Variants in NELL1 observed in about 807,000 individuals in gnomAD.
NELL1 encodes the protein neural EGFL like 1, also known as protein kinase C-binding protein NELL1.
A neutral mutation model predicts 107.4 loss-of-function variants in NELL1; 76 were observed. The ratio of observed to expected loss-of-function variants is 0.71; its 90% CI spans 0.59 to 0.86. The LOEUF (loss-of-function observed/expected upper bound fraction) is 0.86, where lower values mean the gene tolerates loss of function less well. NELL1 is among the 40% of genes least tolerant of loss of function. The probability of loss-of-function intolerance (pLI) is 0.00; values close to 1 mark genes in which losing one functional copy is unlikely to be tolerated. For missense variants in NELL1, 1,024 were observed against 1,005.5 expected, an observed-to-expected ratio of 1.02 and a Z score of -0.25; for synonymous variants, 353 against 341.2, an observed-to-expected ratio of 1.03 and a Z score of -0.38.
chr11:21,211,453 A>G (rs1043939066), intron 13 of NELL1, among the ~76,000 whole-genome samples: 2 of 152,146 alleles, frequency 1.3e-5, no homozygotes, highest in Admixed American at 6.6e-5. Context: ...GAGTAATGTT[A>G]ATAATGTTTG....
chr11:20,694,104 C>T (rs1449034816), intron 2 of NELL1, among the ~76,000 whole-genome samples: 7 of 151,870 alleles, frequency 4.6e-5, no homozygotes, highest in African/African-American at 1.5e-4. Context: ...GCATTCTTCA[C>T]ATAGTTCTCA....
chr11:20,827,248 A>G (rs1488024915), intron 3 of NELL1, among the ~76,000 whole-genome samples: 1 of 151,210 alleles, frequency 6.6e-6, no homozygotes, highest in Non-Finnish European at 1.5e-5. Flanking sequence ...AAGTAAACTT[A>G]TGTTTTTATT....
Position 20,759,126 on chromosome 11 carries a change from C to T in NELL1, c.185-24554C>T, listed in dbSNP as rs114142733. 9.5e-3 allele frequency among the ~76,000 whole-genome samples: 1,447 copies of T among 152,334 alleles called. 28 individuals carry two copies. Among genetic ancestry groups the T allele is most frequent in the African/African-American group, 0.033 (1,377 of 41,578 alleles). ...CCCAAATGTGGACCTGCCTGACAAA[C>T]TCTGTCTTCCTCTACTTTCCTCTTG... On this transcript the variant is annotated intron_variant, in intron 2 of 19. Coordinates refer to ENST00000357134, the MANE Select transcript of NELL1 (RefSeq NM_006157.5).
At chr11:20,918,677 C>T (rs564103629) in intron 6 of NELL1, among the ~76,000 whole-genome samples, 1 of 152,060 alleles carries the variant, frequency 6.6e-6, no homozygotes, top group East Asian at 1.9e-4. Context: ...TATTCACTAC[C>T]ATAAGAATAG....
intron 14 of NELL1, among the ~76,000 whole-genome samples, chr11:21,333,267 A>G (rs1850311682): frequency 6.9e-6 from 1 of 144,410 alleles, no homozygotes. Flanking sequence ...TACCATGGCC[A>G]GACTTGCAGT....
chr11:21,216,471 C>T (rs569193733), intron 13 of NELL1, among the ~76,000 whole-genome samples: 6 of 152,232 alleles, frequency 3.9e-5, no homozygotes, highest in African/African-American at 1.2e-4. Flanking sequence ...TTGCAGACAC[C>T]CAAAACCAGC....
chr11:21,309,145 G>A (rs1849670969), intron 14 of NELL1, among the ~76,000 whole-genome samples: 1 of 150,282 alleles, frequency 6.7e-6, no homozygotes. Context: ...GAAAGTTAAT[G>A]TTATTAAGGT....
intron 15 of NELL1, among the ~76,000 whole-genome samples, chr11:21,439,210 G>A (rs1003540550): frequency 1.3e-5 from 2 of 152,064 alleles, no homozygotes; most frequent in South Asian, 2.1e-4. Context: ...GAAACAGAAA[G>A]TCAGTGAATA....
At chr11:20,671,823 G>T (rs963815538) in intron 1 of NELL1, among the ~76,000 whole-genome samples, 1 of 152,182 alleles carries the variant, frequency 6.6e-6, no homozygotes, top group African/African-American at 2.4e-5. Flanking sequence ...AGGAAATGTG[G>T]AGGAGAGACA....
At chr11:21,171,462 C>T (rs780394597) in intron 13 of NELL1, among the ~76,000 whole-genome samples, 21 of 151,710 alleles carry the variant, frequency 1.4e-4, no homozygotes, top group Non-Finnish European at 2.6e-4. Context: ...TGTGATAGAC[C>T]CTTTTGTAAA....
chr11:21,391,289 C>T (rs1211666185), intron 15 of NELL1, among the ~76,000 whole-genome samples: 6 of 151,596 alleles, frequency 4.0e-5, no homozygotes, highest in Non-Finnish European at 7.4e-5. Flanking sequence ...AAACTGTGGC[C>T]GTTTTTTCAT....
intron 15 of NELL1, among the ~76,000 whole-genome samples, chr11:21,392,992 GA>G (rs1164271548): frequency 1.8e-5 from 2 of 110,350 alleles, no homozygotes; most frequent in Admixed American, 8.4e-5. Context: ...AGTTAAGTCA[GA>G]ATTTTTTTTT....
rs1287509485 is a variant in NELL1 at position 20,783,842 on chromosome 11, C to T, written c.335+12C>T. On this transcript the variant is annotated intron_variant, in intron 3 of 19. Transcript: ENST00000357134. ...GAACTGGAGCACAGGTAAGAAAGCT[C>T]TTTCTGCTTTTGAAAATCTCCTTAG... The T allele has an allele frequency of 3.7e-6, 6 of 1,600,416 alleles. No individual in the cohort carries two copies. Among genetic ancestry groups the T allele is most frequent in the South Asian group, 1.1e-5 (1 of 88,274 alleles).
chr11:21,003,779 T>A lies in NELL1; in HGVS notation c.1300+43219T>A, dbSNP rs531535002. ...GCACTAATGCTAGATTACCTTTTTT[T>A]AATTTTTTTATTTTATTATTATTAT... On this transcript the variant is annotated intron_variant, in intron 12 of 19. Transcript: ENST00000357134. Among the ~76,000 whole-genome samples the A allele has an allele frequency of 2.0e-5, 3 of 152,184 alleles. No homozygotes were observed. The East Asian group carries it at 5.8e-4, about 29-fold the overall frequency.
intron 12 of NELL1, among the ~76,000 whole-genome samples, chr11:20,967,288 G>A (rs1851406059): frequency 6.6e-6 from 1 of 152,066 alleles, no homozygotes; most frequent in African/African-American, 2.4e-5. Context: ...GGAGAAATGG[G>A]CTAGTTTGCT....
intron 14 of NELL1, among the ~76,000 whole-genome samples, chr11:21,296,766 G>A (rs922465901): frequency 6.6e-6 from 1 of 151,862 alleles, no homozygotes; most frequent in Non-Finnish European, 1.5e-5. Context: ...AACTTGAAAA[G>A]TGGCTCTGGG....
intron 5 of NELL1, among the ~76,000 whole-genome samples, chr11:20,901,207 A>G (rs1380905803): frequency 1.3e-5 from 2 of 152,120 alleles, no homozygotes; most frequent in Non-Finnish European, 2.9e-5. Flanking sequence ...TGATCACCAA[A>G]TTATTAGAAT....
chr11:20,677,563 T>C (rs1854089184), intron 1 of NELL1, among the ~76,000 whole-genome samples: 2 of 152,184 alleles, frequency 1.3e-5, no homozygotes, highest in African/African-American at 4.8e-5. Flanking sequence ...TTCAGAAATG[T>C]TGTACTTGAT....
chr11:20,923,251 T>TG (rs889195419), intron 7 of NELL1, among the ~76,000 whole-genome samples: 4 of 152,214 alleles, frequency 2.6e-5, no homozygotes, highest in African/African-American at 9.6e-5. Flanking sequence ...CAGGGGTCTG[T>TG]GTAGGAGAGC....
Sources: allele counts gnomAD v4.1 joint callset (sites outside exome capture counted in the v4.1 genomes callset), GRCh38; gene constraint gnomAD v4.1.1; transcripts MANE v1.5; gene names NCBI Gene and HGNC (gene_info 2026-07-23, HGNC 2026-07-21).